Variants in PDE4D observed in about 807,000 individuals in gnomAD.
PDE4D encodes phosphodiesterase 4D.
PDE4D carries 24 observed loss-of-function variants against 87.4 expected under a neutral mutation model. The ratio of observed to expected loss-of-function variants is 0.27; its 90% CI spans 0.20 to 0.39. PDE4D has a LOEUF of 0.39. PDE4D is among the 10% of genes least tolerant of loss of function. The probability of loss-of-function intolerance (pLI) is 1.00; values close to 1 mark genes in which losing one functional copy is unlikely to be tolerated. For synonymous variants in PDE4D, 384 were observed against 383.2 expected (o/e 1.00, Z -0.02); for missense variants, 714 against 1,041.0 (o/e 0.69, Z 4.32).
intron 1 of PDE4D, among the ~76,000 whole-genome samples, chr5:60,392,429 G>A (rs1280909172): frequency 6.6e-6 from 1 of 152,122 alleles, no homozygotes; most frequent in East Asian, 1.9e-4. Flanking sequence ...TTGAGAAACA[G>A]GTAAGCCTCA....
At chr5:58,987,765 T>C (rs1232766121) in intron 11 of PDE4D, among the ~76,000 whole-genome samples, 2 of 152,224 alleles carry the variant, frequency 1.3e-5, no homozygotes, top group South Asian at 4.1e-4. Flanking sequence ...TGGGAGGGAA[T>C]TAAGTCATAG....
chr5:59,412,461 A>G (rs548790000), intron 1 of PDE4D, among the ~76,000 whole-genome samples: 2 of 152,256 alleles, frequency 1.3e-5, no homozygotes, highest in African/African-American at 4.8e-5. Context: ...GGAGCACTGG[A>G]GTGGGGGAAG....
At chr5:60,022,738 T>G (rs1357572954) in intron 2 of PDE4D, 1 of 152,404 alleles carries the variant, frequency 6.6e-6, no homozygotes, top group Non-Finnish European at 1.5e-5. Context: ...TTATTTCCAC[T>G]TTAGTTGACT....
rs191551035 is a variant in PDE4D at position 59,313,603 on chromosome 5, C to G, written c.456-97635G>C. Among the ~76,000 whole-genome samples the G allele has an allele frequency of 1.1e-4, 17 of 152,270 alleles. No individual in the cohort carries two copies. In the East Asian group the frequency reaches 2.5e-3, roughly 22 times the overall value. On this transcript the variant is annotated intron_variant, in intron 1 of 14. Transcript: ENST00000340635. The stretch of plus-strand genomic sequence containing the variant: ...GATGGCTTACTCATCTGCTCCCCCT[C>G]CATAAAGCTTGCACAACAATATGCA...
intron 5 of PDE4D, among the ~76,000 whole-genome samples, chr5:59,100,103 C>T (rs1004720887): frequency 1.3e-5 from 2 of 152,226 alleles, no homozygotes; most frequent in Non-Finnish European, 2.9e-5. Flanking sequence ...CAAACTGCTT[C>T]CCATGGTTCC....
chr5:59,771,973 C>T (rs1763632628), intron 1 of PDE4D, among the ~76,000 whole-genome samples: 1 of 152,148 alleles, frequency 6.6e-6, no homozygotes, highest in African/African-American at 2.4e-5. Flanking sequence ...GATTCAATTT[C>T]CTAATGCTTA....
intron 1 of PDE4D, among the ~76,000 whole-genome samples, chr5:59,735,272 T>A (rs1179752594): frequency 1.3e-5 from 2 of 152,190 alleles, no homozygotes; most frequent in East Asian, 3.9e-4. Context: ...AGACTTGAGA[T>A]GTATATAAAG....
chr5:59,779,546 G>A (rs560343606), intron 1 of PDE4D, among the ~76,000 whole-genome samples: 19 of 152,114 alleles, frequency 1.2e-4, no homozygotes, highest in Non-Finnish European at 2.5e-4. Context: ...ATAGACCTCC[G>A]TGTGATATCA....
chr5:59,133,699 G>A (rs1337800107), intron 5 of PDE4D, among the ~76,000 whole-genome samples: 2 of 152,098 alleles, frequency 1.3e-5, no homozygotes, highest in African/African-American at 2.4e-5. Flanking sequence ...GTAAAGCAGC[G>A]GTTATCACTG....
At chr5:60,336,641 C>G (rs1472700051) in intron 1 of PDE4D, among the ~76,000 whole-genome samples, 1 of 152,176 alleles carries the variant, frequency 6.6e-6, no homozygotes, top group African/African-American at 2.4e-5. Context: ...TTACTTCATA[C>G]AAAAATCTCA....
chr5:59,159,495 T>C (rs1014496481), intron 5 of PDE4D, among the ~76,000 whole-genome samples: 9 of 152,150 alleles, frequency 5.9e-5, no homozygotes, highest in African/African-American at 2.2e-4. Context: ...CTATATCTTA[T>C]TCATTTTTGT....
At chr5:59,860,363 T>A (rs1158967092) in intron 1 of PDE4D, among the ~76,000 whole-genome samples, 1 of 152,200 alleles carries the variant, frequency 6.6e-6, no homozygotes, top group East Asian at 1.9e-4. Context: ...TTCTTCTTAA[T>A]TGAGGAATTC....
At chr5:60,310,681 T>C (rs16877901) in intron 1 of PDE4D, among the ~76,000 whole-genome samples, 5,560 of 152,310 alleles carry the variant, frequency 0.037, 148 homozygotes, top group East Asian at 0.13. Flanking sequence ...TCCTGAGAAA[T>C]GGATTAGTAG....
chr5:60,084,999 T>C (rs890297782), intron 2 of PDE4D, among the ~76,000 whole-genome samples: 8 of 152,214 alleles, frequency 5.3e-5, no homozygotes, highest in East Asian at 3.9e-4. Flanking sequence ...TTACGAGATA[T>C]TTTGAATATA....
intron 5 of PDE4D, among the ~76,000 whole-genome samples, chr5:59,107,651 C>A (rs1281813418): frequency 1.3e-5 from 2 of 152,146 alleles, no homozygotes; most frequent in Admixed American, 1.3e-4. Flanking sequence ...CTCCCAAAAG[C>A]AAAACATTAT....
intron 1 of PDE4D, among the ~76,000 whole-genome samples, chr5:60,301,960 T>C (rs986981500): frequency 1.9e-4 from 29 of 152,334 alleles, no homozygotes; most frequent in Admixed American, 6.5e-4. Flanking sequence ...GTTTTTTTTA[T>C]AGGATGAATA....
intron 6 of PDE4D, among the ~76,000 whole-genome samples, chr5:59,004,200 A>C (rs1438402217): frequency 6.6e-6 from 1 of 152,220 alleles, no homozygotes; most frequent in Non-Finnish European, 1.5e-5. Context: ...TTTCTATCAA[A>C]TACTACAAAA....
chr5:60,418,329 G>T (rs1323340962), intron 1 of PDE4D, among the ~76,000 whole-genome samples: 2 of 152,050 alleles, frequency 1.3e-5, no homozygotes, highest in Non-Finnish European at 1.5e-5. Flanking sequence ...ACAAAAAGGG[G>T]AGAATAATTT....
At position 58,970,051 on chromosome 5, in the gene PDE4D, G is replaced by T. The variant is rs1742349784; in HGVS notation, c.*4613C>A. 6.6e-6 allele frequency: 1 copy of T among 151,992 alleles called. No homozygotes were observed. The highest frequency in any genetic ancestry group is 1.9e-4 in the East Asian group (1 of 5,182). The allele number at this position is 151,992 out of a possible 1,614,324, so 9.4% of individuals were successfully genotyped here. The stretch of plus-strand genomic sequence containing the variant: ...ATTTAAAATGAATAATCTTTTATTT[G>T]TAAAAGATTGAGTCATAAATAGGCA... On this transcript the variant is annotated 3_prime_UTR_variant, in exon 15 of 15. Transcript: ENST00000340635.
Sources: allele counts gnomAD v4.1 joint callset (sites outside exome capture counted in the v4.1 genomes callset), GRCh38; gene constraint gnomAD v4.1.1; transcripts MANE v1.5; gene names NCBI Gene and HGNC (gene_info 2026-07-23, HGNC 2026-07-21).